The following TENM2 variants were observed in gnomAD, a reference collection of about 807,000 sequenced individuals.
TENM2 encodes the protein teneurin transmembrane protein 2.
In TENM2, 52 loss-of-function variants were observed where a neutral mutation model predicts 245.2. The ratio of observed to expected loss-of-function variants is 0.21; its 90% CI spans 0.17 to 0.27. TENM2 has a LOEUF of 0.27. Ranked by LOEUF, TENM2 falls within the 10% of genes least tolerant of loss-of-function variation. The pLI, the probability that TENM2 is intolerant of heterozygous loss-of-function variation, is 1.00. For missense variants in TENM2, 3,046 were observed against 3,666.8 expected (o/e 0.83, Z 4.37); for synonymous variants, 1,363 against 1,438.9 (o/e 0.95, Z 1.19).
At chr5:167,193,374 C>T in the TENM2 span, among the ~76,000 whole-genome samples, 1 of 151,864 alleles carries the variant, frequency 6.6e-6, no homozygotes, top group Admixed American at 6.6e-5. Flanking sequence ...ACTGGGGAAA[C>T]TTAGGCAGGG....
intron 5 of TENM2, among the ~76,000 whole-genome samples, chr5:168,018,237 T>C (rs2152095612): frequency 6.6e-6 from 1 of 152,326 alleles, no homozygotes; most frequent in Admixed American, 6.5e-5. Context: ...TTAAGTCTGA[T>C]TTTTTTCTCT....
At chr5:168,115,435 AAAG>A (rs1795012152) in intron 9 of TENM2, among the ~76,000 whole-genome samples, 1 of 145,034 alleles carries the variant, frequency 6.9e-6, no homozygotes. Context: ...AAAGAAAAAA[AAAG>A]AAAAAAATTT....
In TENM2 at chr5:168,047,461, G is replaced by T. The variant is rs1028647662; in HGVS notation, c.1221G>T (p.Gln407His). The change falls in exon 6 of 29, where the codon CAG becomes CAT. Residue 407 changes from glutamine (Q) to histidine (H), a missense_variant. Gln to His is a conservative substitution (Grantham distance 24). This residue lies in a region of TENM2 where 2,704 missense variants were observed against 3,331.9 expected (regional missense o/e 0.81). Transcript: ENST00000518659. The stretch of plus-strand genomic sequence containing the variant: ...TGCTCGGACTCAATTGGCAACTCCA[G>T]CCTGCAGATGGGCACACCTTTAACA... 6.4e-6 allele frequency: 10 copies of T among 1,551,672 alleles called. No homozygotes were observed. The Admixed American group carries it at 1.6e-4, about 24-fold the overall frequency.
At chr5:168,236,161 C>G (rs1765409281) in intron 25 of TENM2, among the ~76,000 whole-genome samples, 1 of 152,202 alleles carries the variant, frequency 6.6e-6, no homozygotes, top group African/African-American at 2.4e-5. Flanking sequence ...TGCAGATTAT[C>G]CACCCGGTAC....
At chr5:168,106,021 T>C (rs531325889) in intron 9 of TENM2, among the ~76,000 whole-genome samples, 1 of 152,292 alleles carries the variant, frequency 6.6e-6, no homozygotes, top group East Asian at 1.9e-4. Flanking sequence ...TGACACTGGC[T>C]TCTCAGATGG....
chr5:167,191,571 G>A, the TENM2 span, among the ~76,000 whole-genome samples: 1 of 152,102 alleles, frequency 6.6e-6, no homozygotes, highest in South Asian at 2.1e-4. Flanking sequence ...TTCCTTAGAT[G>A]AAAGGCATGC....
intron 2 of TENM2, among the ~76,000 whole-genome samples, chr5:167,866,923 G>C (rs73370984): frequency 0.011 from 1,667 of 152,316 alleles, 33 homozygotes; most frequent in African/African-American, 0.037. Context: ...CACATCTCAA[G>C]TGTCCAATAG....
intron 2 of TENM2, among the ~76,000 whole-genome samples, chr5:167,523,485 CAG>C (rs1770902305): frequency 6.6e-6 from 1 of 152,064 alleles, no homozygotes; most frequent in Non-Finnish European, 1.5e-5. Flanking sequence ...CGTCAAATAT[CAG>C]GGGATTTTAC....
intron 5 of TENM2, among the ~76,000 whole-genome samples, chr5:168,034,763 C>A (rs928125672): frequency 1.3e-5 from 2 of 151,822 alleles, no homozygotes; most frequent in African/African-American, 4.8e-5. Flanking sequence ...CAGAGGGAGA[C>A]CCTATCTCAA....
At chr5:167,012,993 T>C in the TENM2 span, among the ~76,000 whole-genome samples, 1 of 152,186 alleles carries the variant, frequency 6.6e-6, no homozygotes, top group South Asian at 2.1e-4. Flanking sequence ...GTAAGGGGAA[T>C]ATAGTAGTAC....
the TENM2 span, among the ~76,000 whole-genome samples, chr5:167,062,274 G>C: frequency 2.0e-5 from 3 of 152,002 alleles, no homozygotes; most frequent in Non-Finnish European, 4.4e-5. Flanking sequence ...CGCTTGGATT[G>C]CTGTCTCTTC....
the TENM2 span, among the ~76,000 whole-genome samples, chr5:166,980,552 C>A: frequency 2.6e-5 from 4 of 152,162 alleles, no homozygotes; most frequent in Non-Finnish European, 5.9e-5. Context: ...GGTTCTTGAT[C>A]ATTACCATGT....
chr5:168,237,418 A>G (rs927077119), intron 25 of TENM2, among the ~76,000 whole-genome samples: 1 of 152,008 alleles, frequency 6.6e-6, no homozygotes, highest in South Asian at 2.1e-4. Context: ...TTATTCACTA[A>G]TGTTCATTGA....
intron 2 of TENM2, among the ~76,000 whole-genome samples, chr5:167,530,905 CA>C (rs1409495108): frequency 2.6e-5 from 4 of 152,182 alleles, no homozygotes; most frequent in Non-Finnish European, 4.4e-5. Flanking sequence ...AATCTAACTG[CA>C]TTAACTCTTC....
intron 2 of TENM2, among the ~76,000 whole-genome samples, chr5:167,583,838 C>T (rs1207008340): frequency 6.6e-6 from 1 of 152,172 alleles, no homozygotes; most frequent in Non-Finnish European, 1.5e-5. Flanking sequence ...TCCAGTCTTT[C>T]CTGCTTTCCT....
At chr5:167,221,167 ATG>A in the TENM2 span, among the ~76,000 whole-genome samples, 2 of 152,262 alleles carry the variant, frequency 1.3e-5, no homozygotes, top group Admixed American at 1.3e-4. Context: ...TGCAGCCGTG[ATG>A]CCGATGGATA....
chr5:167,161,555 T>G, the TENM2 span, among the ~76,000 whole-genome samples: 6 of 152,162 alleles, frequency 3.9e-5, no homozygotes, highest in East Asian at 1.2e-3. Flanking sequence ...AAGTAACAGA[T>G]TAGAAAATAC....
At chr5:167,753,769 G>C (rs940812918) in intron 2 of TENM2, among the ~76,000 whole-genome samples, 2 of 152,164 alleles carry the variant, frequency 1.3e-5, no homozygotes, top group Non-Finnish European at 2.9e-5. Context: ...TAGGTGGATA[G>C]TATTTCTGCC....
the TENM2 span, among the ~76,000 whole-genome samples, chr5:167,126,868 T>C: frequency 8.5e-5 from 13 of 152,320 alleles, no homozygotes; most frequent in Admixed American, 4.6e-4. Flanking sequence ...AGATCAACTT[T>C]TGTGAATGGT....
Sources: allele counts gnomAD v4.1 joint callset (sites outside exome capture counted in the v4.1 genomes callset), GRCh38; gene constraint gnomAD v4.1.1; regional missense constraint gnomAD v4.1.1; transcripts MANE v1.5; gene names NCBI Gene and HGNC (gene_info 2026-07-23, HGNC 2026-07-21).